The following SGCD variants were observed in gnomAD, a reference collection of about 807,000 sequenced individuals.
The protein encoded by SGCD is delta-sarcoglycan.
In SGCD, 18 loss-of-function variants were observed where a neutral mutation model predicts 36.6. The observed-to-expected ratio is 0.49, with a 90% CI of 0.34 to 0.73. The LOEUF (loss-of-function observed/expected upper bound fraction) is 0.73, where lower values mean the gene tolerates loss of function less well. SGCD is among the 30% of genes least tolerant of loss of function. The probability of loss-of-function intolerance (pLI) is 0.01; values close to 1 mark genes in which losing one functional copy is unlikely to be tolerated. For missense variants in SGCD, 387 were observed against 346.7 expected (o/e 1.12, Z -0.92); for synonymous variants, 133 against 130.6 (o/e 1.02, Z -0.12).
chr5:155,924,499 T>A (rs1756954170), intron 1 of SGCD, among the ~76,000 whole-genome samples: 3 of 152,190 alleles, frequency 2.0e-5, no homozygotes, highest in African/African-American at 7.2e-5. Context: ...TGGTCTTCGA[T>A]CTTAAAGAGC....
intron 3 of SGCD, among the ~76,000 whole-genome samples, chr5:156,224,495 C>G (rs1016998379): frequency 6.6e-6 from 1 of 152,114 alleles, no homozygotes; most frequent in Non-Finnish European, 1.5e-5. Context: ...TAATAACAAC[C>G]ATACTCTAAA....
chr5:155,854,309 G>C, the SGCD span, among the ~76,000 whole-genome samples: 1 of 152,172 alleles, frequency 6.6e-6, no homozygotes, highest in South Asian at 2.1e-4. Context: ...TGTCCCCCAG[G>C]GGAAATTATT....
At chr5:155,962,856 C>T (rs1757819772) in intron 1 of SGCD, among the ~76,000 whole-genome samples, 3 of 152,154 alleles carry the variant, frequency 2.0e-5, no homozygotes, top group South Asian at 2.1e-4. Context: ...GTGTTGAAAT[C>T]ATAAGCTGTC....
chr5:156,409,547 G>A (rs1194850831), intron 3 of SGCD, among the ~76,000 whole-genome samples: 1 of 152,090 alleles, frequency 6.6e-6, no homozygotes, highest in Non-Finnish European at 1.5e-5. Context: ...CTTTCCTTGT[G>A]TTTCCTTCCC....
chr5:155,913,948 T>C (rs1420711279), intron 1 of SGCD, among the ~76,000 whole-genome samples: 1 of 152,206 alleles, frequency 6.6e-6, no homozygotes, highest in Non-Finnish European at 1.5e-5. Flanking sequence ...CCAAAGGTGA[T>C]GATGAGAAAT....
intron 6 of SGCD, among the ~76,000 whole-genome samples, chr5:156,640,628 T>A (rs1762993046): frequency 6.6e-6 from 1 of 152,176 alleles, no homozygotes; most frequent in African/African-American, 2.4e-5. Context: ...TTATGTGCAT[T>A]TTTAAATTTT....
At chr5:156,104,983 A>G (rs1761609635) in intron 1 of SGCD, among the ~76,000 whole-genome samples, 1 of 151,988 alleles carries the variant, frequency 6.6e-6, no homozygotes, top group Non-Finnish European at 1.5e-5. Flanking sequence ...AACATCACAC[A>G]CTGGGGCCTG....
chr5:156,032,882 C>A (rs1413558307), intron 1 of SGCD, among the ~76,000 whole-genome samples: 1 of 151,466 alleles, frequency 6.6e-6, no homozygotes, highest in Non-Finnish European at 1.5e-5. Flanking sequence ...CCAGCCTGGA[C>A]AACATAGGGA....
At chr5:155,775,004 T>C in the SGCD span, among the ~76,000 whole-genome samples, 1 of 152,190 alleles carries the variant, frequency 6.6e-6, no homozygotes, top group Non-Finnish European at 1.5e-5. Context: ...TGCATCTAAA[T>C]GCTTTTGAAT....
intron 4 of SGCD, among the ~76,000 whole-genome samples, chr5:156,528,936 A>C (rs1185792138): frequency 6.6e-6 from 1 of 152,158 alleles, no homozygotes; most frequent in African/African-American, 2.4e-5. Context: ...GTCTAGAATG[A>C]CTAGTTGCTG....
At chr5:156,364,345 T>A (rs570369620) in intron 3 of SGCD, among the ~76,000 whole-genome samples, 43 of 150,580 alleles carry the variant, frequency 2.9e-4, no homozygotes, top group Middle Eastern at 3.4e-3. Context: ...TTGGTGCCTA[T>A]CTTATTATTA....
chr5:156,001,552 T>C (rs1320055199), intron 1 of SGCD, among the ~76,000 whole-genome samples: 2 of 152,228 alleles, frequency 1.3e-5, no homozygotes, highest in Non-Finnish European at 2.9e-5. Context: ...GTCAATGTTT[T>C]CCATTTAAAT....
chr5:156,449,629 C>G (rs1304204933), intron 3 of SGCD, among the ~76,000 whole-genome samples: 2 of 129,716 alleles, frequency 1.5e-5, no homozygotes, highest in Non-Finnish European at 1.6e-5. Context: ...GTCAGGAATT[C>G]AAGACCAGCC....
At chr5:155,762,619 G>A in the SGCD span, among the ~76,000 whole-genome samples, 1 of 152,140 alleles carries the variant, frequency 6.6e-6, no homozygotes, top group Non-Finnish European at 1.5e-5. Flanking sequence ...TACATATAAT[G>A]TAAGTGATTC....
chr5:156,652,248 A>C (rs1763490850), intron 7 of SGCD, among the ~76,000 whole-genome samples: 1 of 152,154 alleles, frequency 6.6e-6, no homozygotes, highest in South Asian at 2.1e-4. Flanking sequence ...TGGGAGGCCA[A>C]GGCTGGAGGA....
chr5:155,994,724 T>C (rs1380920926), intron 1 of SGCD, among the ~76,000 whole-genome samples: 1 of 152,242 alleles, frequency 6.6e-6, no homozygotes, highest in Non-Finnish European at 1.5e-5. Context: ...TAAATGGTTC[T>C]ACAATTGTTT....
At chr5:156,277,070 G>A (rs1766336783) in intron 3 of SGCD, among the ~76,000 whole-genome samples, 1 of 152,140 alleles carries the variant, frequency 6.6e-6, no homozygotes, top group Non-Finnish European at 1.5e-5. Flanking sequence ...ACTATGAAAT[G>A]TAAGGCCCTG....
At chr5:155,872,387 T>A (rs115580673) in intron 1 of SGCD, among the ~76,000 whole-genome samples, 3,004 of 134,554 alleles carry the variant, frequency 0.022, 44 homozygotes, top group Middle Eastern at 0.042. Flanking sequence ...ACACACACAC[T>A]CTCATGGAAA....
At chr5:155,740,148 G>A in the SGCD span, among the ~76,000 whole-genome samples, 7 of 152,168 alleles carry the variant, frequency 4.6e-5, no homozygotes, top group Admixed American at 1.3e-4. Flanking sequence ...ACTCAGGGTG[G>A]AGTGCACTGG....
Sources: gnomAD v4.1 joint callset for allele counts (sites outside exome capture counted in the v4.1 genomes callset) on GRCh38, gnomAD v4.1.1 for gene constraint, MANE v1.5 for transcripts, NCBI Gene and HGNC (gene_info 2026-07-23, HGNC 2026-07-21) for gene names.